The following ABCA8 variants were observed in gnomAD, a reference collection of about 807,000 sequenced individuals.
ABCA8 encodes ATP binding cassette subfamily A member 8, also known as ABC-type organic anion transporter ABCA8.
ABCA8 carries 177 observed loss-of-function variants against 192.3 expected under a neutral mutation model. The observed-to-expected ratio is 0.92, with a 90% confidence interval of 0.81 to 1.04. The LOEUF (loss-of-function observed/expected upper bound fraction) is 1.04, where lower values mean the gene tolerates loss of function less well. ABCA8 is among the 50% of genes least tolerant of loss of function. The probability of loss-of-function intolerance (pLI) is 0.00; values close to 1 mark genes in which losing one functional copy is unlikely to be tolerated. For missense variants in ABCA8, 1,915 were observed against 1,904.8 expected (o/e 1.01, Z -0.10); for synonymous variants, 642 against 690.2 (o/e 0.93, Z 1.09).
At chr17:68,918,657 G>C (rs1835489559) in intron 14 of ABCA8, 111 bp from the exon 15 acceptor site, 1 of 1,124,262 alleles carries the variant, frequency 8.9e-7, no homozygotes, top group African/African-American at 1.6e-5. Context: ...CACTGGGTCA[G>C]GCGCGGTGGC....
Position 68,911,989 on chromosome 17 carries a change from A to T in ABCA8, c.2139-4110T>A, listed in dbSNP as rs923627469. 1.3e-5 allele frequency among the ~76,000 whole-genome samples: 2 copies of T among 152,132 alleles called. No individual in the cohort carries two copies. The highest frequency in any genetic ancestry group is 2.9e-5 in the Non-Finnish European group (2 of 68,032). On this transcript the variant is annotated intron_variant, in intron 17 of 39. Transcript: ENST00000586539. The surrounding 1 kb of genome is among the most constrained non-coding windows in gnomAD (Gnocchi z 5.7). ...TACTTGGAAAGCCTTCCCAAGAAGGATGGGTACAAACAAGCCCAGACTGTG... is the reference window on the plus strand; with the variant it reads ...TACTTGGAAAGCCTTCCCAAGAAGGTTGGGTACAAACAAGCCCAGACTGTG...
intron 5 of ABCA8, among the ~76,000 whole-genome samples, chr17:68,935,293 T>TGTGTGTGTGTGTGTGTGTGTG (rs1491187643): frequency 8.7e-5 from 13 of 149,458 alleles, no homozygotes; most frequent in African/African-American, 3.2e-4. Context: ...TGTGTGTGTG[T>TGTGTGTGTGTGTGTGTGTGTG]TTCAGTAGAG....
chr17:68,940,619 A>T, intron 4 of ABCA8, 139 bp downstream of exon 4: 2 of 730,776 alleles, frequency 2.7e-6, no homozygotes, highest in Non-Finnish European at 4.5e-6. Flanking sequence ...ACTTCCAATA[A>T]AGGGAAGACA....
intron 28 of ABCA8, 139 bp downstream of exon 28, chr17:68,884,191 AT>A (rs1186726078): frequency 4.5e-6 from 4 of 886,688 alleles, no homozygotes; most frequent in Non-Finnish European, 6.4e-6. Context: ...ATTCTTCCGG[AT>A]TTTACAAGCA....
At chr17:68,919,604 T>C (rs917578211) in intron 13 of ABCA8, 128 bp from the exon 14 acceptor site, 36 of 778,376 alleles carry the variant, frequency 4.6e-5, no homozygotes, top group Non-Finnish European at 4.6e-5. Flanking sequence ...AAACTTCTAC[T>C]TTAGTTGCAT....
chr17:68,903,023 T>C, intron 20 of ABCA8, 144 bp from the exon 21 acceptor site: 1 of 825,022 alleles, frequency 1.2e-6, no homozygotes, highest in Non-Finnish European at 1.8e-6. Context: ...TTTGTCCTTT[T>C]ACTAACTCCA....
chr17:68,912,083 T>C (rs773613280), intron 17 of ABCA8, among the ~76,000 whole-genome samples: 6 of 151,610 alleles, frequency 4.0e-5, no homozygotes, highest in Admixed American at 3.3e-4. Context: ...ATCAAGACTA[T>C]CCAAAAAAAC....
chr17:68,911,851 T>C lies in ABCA8; in HGVS notation c.2139-3972A>G, dbSNP rs960507417. Among the ~76,000 whole-genome samples, 1 of 152,114 alleles carries C rather than the reference T, an allele frequency of 6.6e-6. No individual in the cohort carries two copies. Among genetic ancestry groups the C allele is most frequent in the African/African-American group, 2.4e-5 (1 of 41,420 alleles). On this transcript the variant is annotated intron_variant, in intron 17 of 39. Coordinates refer to ENST00000586539, the MANE Select transcript of ABCA8 (RefSeq NM_001288985.2). The surrounding 1 kb of genome is among the most constrained non-coding windows in gnomAD (Gnocchi z 5.7). ...GTATTCTCCAAGAGCACCAAAGTGG[T>C]ACGTCGAAGAGTCTGCAAGAATCAC...
At position 68,929,044 on chromosome 17, in the gene ABCA8, C is replaced by T. The variant is rs761396834; in HGVS notation, c.1125+5G>A. 6 of 1,486,146 alleles carry T rather than the reference C, an allele frequency of 4.0e-6. No individual in the cohort carries two copies. Among genetic ancestry groups the T allele is most frequent in the East Asian group, 2.4e-5 (1 of 41,514 alleles). 92.1% of individuals were successfully genotyped at this position (1,486,146 alleles called of 1,614,324 possible). On this transcript the variant is annotated splice_donor_5th_base_variant and intron_variant, in intron 9 of 39. Transcript: ENST00000586539. The stretch of plus-strand genomic sequence containing the variant: ...CCATTAATAGACATTCAGATGGCAT[C>T]TCACCTGGGCCATTCCAAGCATGAA...
intron 2 of ABCA8, among the ~76,000 whole-genome samples, chr17:68,945,356 G>A (rs549819727): frequency 6.6e-6 from 1 of 151,626 alleles, no homozygotes; most frequent in South Asian, 2.1e-4. Flanking sequence ...ATACCTATTT[G>A]CAGGAGTTCA....
rs764787087 is a variant in ABCA8 at position 68,869,828 on chromosome 17, T to A, written c.4632-49A>T. The A allele has an allele frequency of 4.8e-6, 6 of 1,241,448 alleles. No individual in the cohort carries two copies. The East Asian group carries it at 9.3e-5, about 19-fold the overall frequency. The allele number at this position is 1,241,448 out of a possible 1,614,324, so 76.9% of individuals were successfully genotyped here. On this transcript the variant is annotated intron_variant, in intron 37 of 39. Coordinates refer to ENST00000586539, the MANE Select transcript of ABCA8 (RefSeq NM_001288985.2). Reference sequence around the variant, plus strand: ...AGAGTGATACCACTTGTGCCAGATGTGAACTGATGGCAATCATCTCTCTGG... The same window carrying A: ...AGAGTGATACCACTTGTGCCAGATGAGAACTGATGGCAATCATCTCTCTGG...
At chr17:68,902,174 G>A (rs930545108) in intron 21 of ABCA8, among the ~76,000 whole-genome samples, 3 of 152,314 alleles carry the variant, frequency 2.0e-5, no homozygotes, top group East Asian at 1.9e-4. Flanking sequence ...CATGCTAAGC[G>A]AAAGAAGTCA....
rs1008889375 is a variant in ABCA8, at chr17:68,918,048, C to T, written c.2046G>A (p.Ala682=). ...TACTTAACAGAAACCAGTGATTACC[C>T]GCCAGGATGTCGGCCTCATCCATGA... ...TQFMDEADIL[A]DRKVFLSQGK... The change falls in exon 16 of 40, where the codon GCG becomes GCA. Residue 682 remains alanine, a splice_region_variant and synonymous_variant. Coordinates refer to ENST00000586539, the MANE Select transcript of ABCA8 (RefSeq NM_001288985.2). The T allele has an allele frequency of 1.9e-6, 3 of 1,613,878 alleles. No individual in the cohort carries two copies. The highest frequency in any genetic ancestry group is 1.7e-6 in the Non-Finnish European group (2 of 1,179,966).
intron 5 of ABCA8, among the ~76,000 whole-genome samples, chr17:68,935,847 A>G (rs1057497893): frequency 1.3e-5 from 2 of 152,094 alleles, no homozygotes; most frequent in African/African-American, 2.4e-5. Flanking sequence ...GCATCTTTGC[A>G]AACATCTGAT....
intron 17 of ABCA8, among the ~76,000 whole-genome samples, chr17:68,913,957 T>G (rs913908526): frequency 4.6e-5 from 7 of 152,182 alleles, no homozygotes; most frequent in African/African-American, 1.7e-4. Context: ...ATCATTCATC[T>G]TGGTCATGGT....
chr17:68,945,428 C>T (rs1404425562), intron 2 of ABCA8, among the ~76,000 whole-genome samples: 1 of 151,876 alleles, frequency 6.6e-6, no homozygotes, highest in Non-Finnish European at 1.5e-5. Context: ...TAATTTTCTT[C>T]TATTGTATTC....
intron 1 of ABCA8, among the ~76,000 whole-genome samples, chr17:68,952,276 T>G (rs2068587276): frequency 6.6e-6 from 1 of 152,118 alleles, no homozygotes; most frequent in South Asian, 2.1e-4. Flanking sequence ...TGGAGTGCAG[T>G]GGTGCGATCT....
intron 14 of ABCA8, 151 bp downstream of exon 14, chr17:68,919,150 A>T: frequency 1.5e-6 from 1 of 681,100 alleles, no homozygotes; most frequent in Non-Finnish European, 2.4e-6. Flanking sequence ...ATTGTAAATT[A>T]TATGCAATGT....
intron 7 of ABCA8, 161 bp downstream of exon 7, chr17:68,932,127 G>T (rs936401928): frequency 3.8e-6 from 2 of 526,896 alleles, no homozygotes; most frequent in African/African-American, 3.8e-5. Flanking sequence ...GGAGAATGGC[G>T]TGAACCTGTG....
Sources: allele counts gnomAD v4.1 joint callset (sites outside exome capture counted in the v4.1 genomes callset), GRCh38; gene constraint gnomAD v4.1.1; non-coding constraint Gnocchi (gnomAD v3.1); transcripts MANE v1.5; gene names NCBI Gene and HGNC (gene_info 2026-07-23, HGNC 2026-07-21).